Variants in ZNF425 observed in about 807,000 individuals in gnomAD.
ZNF425 encodes zinc finger protein 425.
Under a neutral mutation model 17.0 loss-of-function variants are expected in ZNF425, and 21 were observed. The observed-to-expected ratio is 1.23, with a 90% CI of 0.88 to 1.78. The LOEUF is 1.78. Ranked by LOEUF, ZNF425 falls within the 40% of genes most tolerant of loss-of-function variation. ZNF425 has a pLI of 0.00. For synonymous variants in ZNF425, 433 were observed against 384.1 expected, an observed-to-expected ratio of 1.13 and a Z score of -1.49; for missense variants, 868 against 967.3, an observed-to-expected ratio of 0.90 and a Z score of 1.36.
chr7:149,109,509 T>A (rs971671759), intron 3 of ZNF425, among the ~76,000 whole-genome samples: 1 of 152,214 alleles, frequency 6.6e-6, no homozygotes, highest in African/African-American at 2.4e-5. Context: ...TAATTCCTTT[T>A]AGAGTCCTCC....
Position 149,103,947 on chromosome 7 carries a change from T to A in ZNF425, c.1924A>T (p.Met642Leu), listed in dbSNP as rs750752477. ...TGTTGAGTGAAACTTTTGCCGCACA[T>A]CACACAAGAGAATGGCTTTTGGCCA... ...HSGQKPFSCV[M>L]CGKSFTQQYR... Residue 642 changes from methionine (M) to leucine (L), a missense_variant, in exon 4 of 4, where the codon ATG (methionine) becomes TTG (leucine). Met to Leu is a conservative substitution (Grantham distance 15). Transcript: ENST00000378061. 6.2e-7 allele frequency: 1 copy of A among 1,613,800 alleles called. No homozygotes were observed. Among genetic ancestry groups the A allele is most frequent in the East Asian group, 2.2e-5 (1 of 44,832 alleles).
Position 149,104,970 on chromosome 7 carries a change from G to T in ZNF425, c.901C>A (p.Pro301Thr), listed in dbSNP as rs184376638. The T allele has an allele frequency of 3.1e-6, 5 of 1,614,166 alleles. No homozygotes were observed. The highest frequency in any genetic ancestry group is 1.3e-5 in the African/African-American group (1 of 75,064). ...KHLCLHRGERPFCCGECGRAF... is the reference protein window; with the variant it reads ...KHLCLHRGERTFCCGECGRAF... ...CGGCCGCACTCCCCGCAGCAGAACG[G>T]CCGCTCCCCGCGGTGTAGACACAGG... The change falls in exon 4 of 4, where the codon CCG becomes ACG. Residue 301 changes from proline (P) to threonine (T), a missense_variant. Physicochemically the swap from Pro to Thr is conservative, Grantham distance 38 (BLOSUM62 -1). Transcript: ENST00000378061. This position sits in a 1 kb window ranked among gnomAD's most constrained non-coding sequence, Gnocchi z 4.3.
chr7:149,117,642 C>CT (rs869026303), intron 2 of ZNF425, among the ~76,000 whole-genome samples: 769 of 54,988 alleles, frequency 0.014, 170 homozygotes, highest in Middle Eastern at 0.03. Flanking sequence ...CTTAGTAATT[C>CT]TTTTTTTTTT....
At chr7:149,119,985 G>A (rs1585490579) in intron 1 of ZNF425, among the ~76,000 whole-genome samples, 1 of 152,124 alleles carries the variant, frequency 6.6e-6, no homozygotes, top group African/African-American at 2.4e-5. Flanking sequence ...GAGGGGTCCT[G>A]GAACCAATCC....
intron 2 of ZNF425, among the ~76,000 whole-genome samples, chr7:149,113,778 C>G (rs1383663193): frequency 6.6e-6 from 1 of 151,608 alleles, no homozygotes; most frequent in Non-Finnish European, 1.5e-5. Flanking sequence ...GTCTCAATCT[C>G]CTGACCTCGT....
intron 2 of ZNF425, among the ~76,000 whole-genome samples, chr7:149,114,225 AT>A (rs398006742): frequency 0.014 from 1,128 of 82,552 alleles, 10 homozygotes; most frequent in African/African-American, 0.03. Context: ...CGCCCAGCTA[AT>A]TTTTTTTTTT....
chr7:149,112,750 C>G (rs945492809), intron 2 of ZNF425, among the ~76,000 whole-genome samples: 1 of 152,134 alleles, frequency 6.6e-6, no homozygotes, highest in South Asian at 2.1e-4. Flanking sequence ...ATTGCAACCT[C>G]TGCCTCCCGG....
intron 3 of ZNF425, among the ~76,000 whole-genome samples, chr7:149,106,554 T>C (rs1218067016): frequency 6.6e-6 from 1 of 152,126 alleles, no homozygotes; most frequent in African/African-American, 2.4e-5. Context: ...ACTGTCTTCA[T>C]GTCACTAACA....
Position 149,103,909 on chromosome 7 carries a change from T to C in ZNF425, c.1962A>G (p.Thr654=), listed in dbSNP as rs1265815281. The part of the protein sequence containing the change: ...GKSFTQQYRL[T]EHIRVHSGEK... Reference sequence around the variant, plus strand: ...CCCCGCTGTGGACTCGAATGTGTTCTGTGAGCCGGTACTGTTGAGTGAAAC... The same window carrying C: ...CCCCGCTGTGGACTCGAATGTGTTCCGTGAGCCGGTACTGTTGAGTGAAAC... The change falls in exon 4 of 4, where the codon ACA becomes ACG. Residue 654 remains threonine (T), a synonymous_variant. Transcript: ENST00000378061. 2 of 1,613,854 alleles carry C rather than the reference T, an allele frequency of 1.2e-6. No individual in the cohort carries two copies. The highest frequency in any genetic ancestry group is 2.2e-5 in the South Asian group (2 of 91,072).
rs1226554183 is a variant in ZNF425 at position 149,126,195 on chromosome 7, C to T, written c.18+1G>A. The T allele has an allele frequency of 1.2e-6, 2 of 1,612,934 alleles. No homozygotes were observed. Among genetic ancestry groups the T allele is most frequent in the Non-Finnish European group, 1.7e-6 (2 of 1,179,648 alleles). ...CTGCATCCTCCACCGGCCCTTCTTA[C>T]CGAAGCCGGCTCGGCCATGGCGGTT... On this transcript the variant is annotated splice_donor_variant, in intron 1 of 3. Transcript: ENST00000378061. LOFTEE classifies it high-confidence loss of function.
intron 1 of ZNF425, among the ~76,000 whole-genome samples, chr7:149,124,489 AT>A (rs1442475120): frequency 6.6e-6 from 1 of 151,470 alleles, no homozygotes; most frequent in East Asian, 1.9e-4. Flanking sequence ...TTTCAACCAA[AT>A]TCCTCTACAG....
At position 149,103,318 on chromosome 7, in the gene ZNF425, G is replaced by A. The variant is rs1826006758; in HGVS notation, c.*294C>T. 1 of 327,172 alleles carries A rather than the reference G, an allele frequency of 3.1e-6. No homozygotes were observed. The highest frequency in any genetic ancestry group is 6.1e-5 in the East Asian group (1 of 16,300). The allele number at this position is 327,172 out of a possible 1,614,324, so 20.3% of individuals were successfully genotyped here. A position where few individuals can be genotyped will look rare whatever the true frequency, so the allele number is the denominator to read the frequency against. ...TGCAGCCTCTGCCTCCTGGGCTCAA[G>A]CGATCCTCCTGCCTCAACCTCCCAA... On this transcript the variant is annotated 3_prime_UTR_variant, in exon 4 of 4. Transcript: ENST00000378061.
chr7:149,123,260 C>T (rs1826390629), intron 1 of ZNF425, among the ~76,000 whole-genome samples: 1 of 152,154 alleles, frequency 6.6e-6, no homozygotes, highest in African/African-American at 2.4e-5. Context: ...TCCATTTTCA[C>T]TCCTTTCAGA....
chr7:149,106,781 C>CTA (rs1826087554), intron 3 of ZNF425, among the ~76,000 whole-genome samples: 1 of 152,100 alleles, frequency 6.6e-6, no homozygotes, highest in South Asian at 2.1e-4. Context: ...GATCATCTGA[C>CTA]TATACCATTA....
Position 149,104,579 on chromosome 7 carries a change from G to A in ZNF425, c.1292C>T (p.Ala431Val). The change falls in exon 4 of 4, where the codon GCC (alanine) becomes GTC (valine). Residue 431 changes from alanine to valine, a missense_variant. Ala to Val is a moderately conservative substitution (Grantham distance 64, BLOSUM62 0). This residue lies in a region of ZNF425 where 437 missense variants were observed against 444.2 expected (regional missense o/e 0.98). Coordinates refer to ENST00000378061, the MANE Select transcript of ZNF425 (RefSeq NM_001001661.3). This position sits in a 1 kb window ranked among gnomAD's most constrained non-coding sequence, Gnocchi z 4.3. ...KSFRLKRSLK[A>V]HGLQHIGKRP... ...CTTCCCAATGTGCTGCAGCCCGTGG[G>A]CTTTCAGGCTTCTCTTGAGGCGGAA... 6.2e-7 allele frequency: 1 copy of A among 1,613,884 alleles called. No individual in the cohort carries two copies. Among genetic ancestry groups the A allele is most frequent in the Non-Finnish European group, 8.5e-7 (1 of 1,179,962 alleles).
At chr7:149,105,896 A>G (rs569502510) in intron 3 of ZNF425, among the ~76,000 whole-genome samples, 1 of 151,590 alleles carries the variant, frequency 6.6e-6, no homozygotes, top group East Asian at 1.9e-4. Flanking sequence ...CGGCCTCCCA[A>G]AGTGCTGGGA....
chr7:149,109,352 C>T (rs1826136634), intron 3 of ZNF425, among the ~76,000 whole-genome samples: 1 of 152,126 alleles, frequency 6.6e-6, no homozygotes. Context: ...GCTGGGATTA[C>T]AGGCATGAGC....
chr7:149,124,670 T>C lies in ZNF425; in HGVS notation c.18+1526A>G, dbSNP rs561502382. Among the ~76,000 whole-genome samples the C allele has an allele frequency of 2.0e-5, 3 of 152,280 alleles. 1 individual carries two copies. In the South Asian group the frequency reaches 6.2e-4, roughly 32 times the overall value. ...GATTCTCTTGCCTCAGCCTCCCCAG[T>C]AGCTGAGATTACAGGCATGCACCAC... is the stretch of plus-strand genomic sequence containing the variant. On this transcript the variant is annotated intron_variant, in intron 1 of 3. Transcript: ENST00000378061.
intron 2 of ZNF425, among the ~76,000 whole-genome samples, chr7:149,115,629 G>A (rs58313323): frequency 0.027 from 4,016 of 151,076 alleles, 165 homozygotes; most frequent in African/African-American, 0.091. Context: ...GACAGAGGTT[G>A]TAGTGAGCCG....
Sources: gnomAD v4.1 joint callset for allele counts (sites outside exome capture counted in the v4.1 genomes callset) on GRCh38, gnomAD v4.1.1 for gene constraint, gnomAD v4.1.1 regional missense constraint, Gnocchi (gnomAD v3.1) non-coding constraint, MANE v1.5 for transcripts, NCBI Gene and HGNC (gene_info 2026-07-23, HGNC 2026-07-21) for gene names.